RBM20: variants seen among roughly 807,000 people sequenced by gnomAD.
RBM20 encodes RNA binding motif protein 20.
In RBM20, 51 loss-of-function variants were observed where a neutral mutation model predicts 110.1. That is an observed-to-expected ratio of 0.46 (90% CI 0.37 to 0.59). The LOEUF is 0.59. Ranked by LOEUF, RBM20 falls within the 20% of genes least tolerant of loss-of-function variation. The pLI, the probability that RBM20 is intolerant of heterozygous loss-of-function variation, is 0.00. For missense variants in RBM20, 1,512 were observed against 1,574.9 expected, an observed-to-expected ratio of 0.96 and a Z score of 0.68; for synonymous variants, 589 against 618.2, an observed-to-expected ratio of 0.95 and a Z score of 0.70.
intron 1 of RBM20, among the ~76,000 whole-genome samples, chr10:110,694,344 G>A (rs1862630881): frequency 6.6e-6 from 1 of 152,122 alleles, no homozygotes; most frequent in Non-Finnish European, 1.5e-5. Flanking sequence ...TTGTATTTTT[G>A]TCCTATTAAA....
chr10:110,670,364 T>A (rs1385855700), intron 1 of RBM20, among the ~76,000 whole-genome samples: 1 of 152,218 alleles, frequency 6.6e-6, no homozygotes. Flanking sequence ...CACAGACAGA[T>A]AGGAAGTGAA....
intron 1 of RBM20, among the ~76,000 whole-genome samples, chr10:110,771,747 AG>A (rs940056543): frequency 6.6e-6 from 1 of 152,164 alleles, no homozygotes; most frequent in Non-Finnish European, 1.5e-5. Context: ...ATCTAGGTGA[AG>A]GGGAGTAGGG....
intron 1 of RBM20, among the ~76,000 whole-genome samples, chr10:110,701,951 G>C (rs868442043): frequency 6.6e-6 from 1 of 152,232 alleles, no homozygotes; most frequent in Non-Finnish European, 1.5e-5. Context: ...TCTGGGGATA[G>C]AGCAGCAGGA....
At chr10:110,736,940 C>T (rs10885028) in intron 1 of RBM20, among the ~76,000 whole-genome samples, 106,829 of 151,322 alleles carry the variant, frequency 0.71, 38,471 homozygotes, top group African/African-American at 0.86. Flanking sequence ...TTTGGAAGGC[C>T]GAGGTGAGCA....
At chr10:110,659,597 G>A (rs1174539668) in intron 1 of RBM20, among the ~76,000 whole-genome samples, 1 of 152,134 alleles carries the variant, frequency 6.6e-6, no homozygotes, top group Non-Finnish European at 1.5e-5. Context: ...ATGACCACTA[G>A]GAACACTCCT....
At chr10:110,676,391 C>T (rs375489272) in intron 1 of RBM20, among the ~76,000 whole-genome samples, 38 of 151,914 alleles carry the variant, frequency 2.5e-4, no homozygotes, top group East Asian at 7.7e-4. Flanking sequence ...AAACAATGCA[C>T]GAAACAATTA....
chr10:110,772,789 G>A (rs1482997073), intron 1 of RBM20, among the ~76,000 whole-genome samples: 3 of 152,206 alleles, frequency 2.0e-5, no homozygotes, highest in Non-Finnish European at 4.4e-5. Flanking sequence ...GAATTTGTGA[G>A]CAATGATAAT....
intron 1 of RBM20, among the ~76,000 whole-genome samples, chr10:110,649,809 G>C (rs1446313854): frequency 1.3e-5 from 2 of 152,140 alleles, no homozygotes; most frequent in Non-Finnish European, 2.9e-5. Context: ...TTGCAGAAAG[G>C]AGCACACGGC....
intron 1 of RBM20, among the ~76,000 whole-genome samples, chr10:110,773,452 A>G (rs1441317588): frequency 6.6e-6 from 1 of 152,206 alleles, no homozygotes; most frequent in Non-Finnish European, 1.5e-5. Context: ...CACTGAATTC[A>G]TAAGTGTTTG....
intron 1 of RBM20, among the ~76,000 whole-genome samples, chr10:110,703,378 CA>C (rs1022014069): frequency 1.7e-3 from 192 of 112,766 alleles, no homozygotes; most frequent in Middle Eastern, 4.6e-3. Context: ...AACTCTGTCT[CA>C]AAAAAAAAAA....
chr10:110,831,666 T>TAA (rs869203382), intron 13 of RBM20, among the ~76,000 whole-genome samples: 1,743 of 58,174 alleles, frequency 0.03, 62 homozygotes, highest in African/African-American at 0.092. Context: ...CTTGCTAGAA[T>TAA]AAAAAAAAAA....
In RBM20 at chr10:110,706,766, T is replaced by G. The variant is rs376100701; in HGVS notation, c.191+62121T>G. Among the ~76,000 whole-genome samples, 4 of 152,218 alleles carry G rather than the reference T, an allele frequency of 2.6e-5. No individual in the cohort carries two copies. In the East Asian group the frequency reaches 5.8e-4, roughly 22 times the overall value. The stretch of plus-strand genomic sequence containing the variant: ...TCTCCTAATCAAAGAGGGTTGGTTG[T>G]AGTCAGGCCATTTACAAATCACTTT... On this transcript the variant is annotated intron_variant, in intron 1 of 13. Coordinates refer to ENST00000369519, the MANE Select transcript of RBM20 (RefSeq NM_001134363.3).
chr10:110,652,373 T>C (rs540241029), intron 1 of RBM20, among the ~76,000 whole-genome samples: 1 of 152,368 alleles, frequency 6.6e-6, no homozygotes, highest in South Asian at 2.1e-4. Flanking sequence ...TGTCTTTTTT[T>C]CTTCCTTTTT....
chr10:110,806,374 C>T (rs1354088312), intron 7 of RBM20, among the ~76,000 whole-genome samples: 1 of 152,156 alleles, frequency 6.6e-6, no homozygotes. Context: ...GTGGAGGCCT[C>T]AGAAAACTTA....
chr10:110,680,970 G>A lies in RBM20; in HGVS notation c.191+36325G>A, dbSNP rs140316328. Among the ~76,000 whole-genome samples, 23 of 151,922 alleles carry A rather than the reference G, an allele frequency of 1.5e-4. No individual in the cohort carries two copies. The East Asian group carries it at 1.5e-3, about 10-fold the overall frequency. On this transcript the variant is annotated intron_variant, in intron 1 of 13. Coordinates refer to ENST00000369519, the MANE Select transcript of RBM20 (RefSeq NM_001134363.3). Reference sequence around the variant, plus strand: ...TCTTATTCTCTCTCTGTATTTTTGCGTAATTACAGACATGACTTGTTACAT... The same window carrying A: ...TCTTATTCTCTCTCTGTATTTTTGCATAATTACAGACATGACTTGTTACAT...
rs1844351084 is a variant in RBM20, at chr10:110,781,638, C to T, written c.1029C>T (p.His343=). ...CAGGTCCCATGTGGCCTCCACCCCA[C>T]AACCAGCCCTATGAGCTGTACGACC... is the stretch of plus-strand genomic sequence containing the variant. The part of the protein sequence containing the change: ...LTAGPMWPPP[H]NQPYELYDPE... Residue 343 remains histidine (H), a synonymous_variant, in exon 2 of 14, where the codon CAC becomes CAT. Coordinates refer to ENST00000369519, the MANE Select transcript of RBM20 (RefSeq NM_001134363.3). 2 of 1,549,458 alleles carry T rather than the reference C, an allele frequency of 1.3e-6. No individual in the cohort carries two copies. The highest frequency in any genetic ancestry group is 1.7e-6 in the Non-Finnish European group (2 of 1,145,376).
At chr10:110,665,874 G>A (rs757612779) in intron 1 of RBM20, among the ~76,000 whole-genome samples, 8 of 152,046 alleles carry the variant, frequency 5.3e-5, no homozygotes, top group Admixed American at 1.3e-4. Flanking sequence ...CCAGCACTTT[G>A]GGAGGCCAAG....
chr10:110,829,171 G>C (rs1428024391), intron 12 of RBM20, among the ~76,000 whole-genome samples: 1 of 152,212 alleles, frequency 6.6e-6, no homozygotes, highest in Non-Finnish European at 1.5e-5. Context: ...CCTATACTGC[G>C]GGGGTCTCGG....
chr10:110,650,013 T>A (rs987214447), intron 1 of RBM20, among the ~76,000 whole-genome samples: 1 of 152,168 alleles, frequency 6.6e-6, no homozygotes, highest in Non-Finnish European at 1.5e-5. Context: ...GAGCTGATAG[T>A]TTGACTGGCT....
Sources: gnomAD v4.1 joint callset for allele counts (sites outside exome capture counted in the v4.1 genomes callset) on GRCh38, gnomAD v4.1.1 for gene constraint, MANE v1.5 for transcripts, NCBI Gene and HGNC (gene_info 2026-07-23, HGNC 2026-07-21) for gene names.